ZFHX3: variants seen among roughly 807,000 people sequenced by gnomAD.
ZFHX3 encodes the protein zinc finger homeobox 3, also known as zinc finger homeobox protein 3.
A neutral mutation model predicts 279.1 loss-of-function variants in ZFHX3; 42 were observed. That is an observed-to-expected ratio of 0.15 (90% CI 0.12 to 0.19). The LOEUF is 0.19. ZFHX3 is among the 10% of genes least tolerant of loss of function. The probability of loss-of-function intolerance (pLI) is 1.00; values close to 1 mark genes in which losing one functional copy is unlikely to be tolerated. For missense variants in ZFHX3, 4,981 were observed against 4,754.0 expected (o/e 1.05, Z -1.40); for synonymous variants, 2,293 against 1,957.8 (o/e 1.17, Z -4.52).
intron 5 of ZFHX3, among the ~76,000 whole-genome samples, chr16:73,158,895 G>T (rs1394615217): frequency 1.3e-5 from 2 of 152,144 alleles, no homozygotes; most frequent in Non-Finnish European, 1.5e-5. Context: ...ATTGAAACTG[G>T]ATCCCTTCCT....
chr16:72,897,247 A>G (rs949803763), intron 3 of ZFHX3, among the ~76,000 whole-genome samples: 3 of 152,226 alleles, frequency 2.0e-5, no homozygotes, highest in Admixed American at 6.5e-5. Context: ...CAACAGCTTC[A>G]GCTTCTCGCT....
chr16:72,837,613 A>G (rs1229756388), intron 4 of ZFHX3, among the ~76,000 whole-genome samples: 15 of 146,762 alleles, frequency 1.0e-4, no homozygotes, highest in Admixed American at 8.7e-4. Context: ...CTACAGGCAC[A>G]TGCCACCACG....
intron 6 of ZFHX3, among the ~76,000 whole-genome samples, chr16:73,131,294 A>C (rs1966674819): frequency 6.6e-6 from 1 of 152,250 alleles, no homozygotes; most frequent in South Asian, 2.1e-4. Context: ...GCCTTTGTGA[A>C]GTACTTAATA....
chr16:73,075,030 A>T (rs1212935451), intron 8 of ZFHX3, among the ~76,000 whole-genome samples: 1 of 151,748 alleles, frequency 6.6e-6, no homozygotes, highest in Non-Finnish European at 1.5e-5. Context: ...CTGGTTTTGA[A>T]CTCCTGAGCT....
intron 2 of ZFHX3, among the ~76,000 whole-genome samples, chr16:73,510,146 A>T (rs540332606): frequency 7.9e-5 from 12 of 152,196 alleles, no homozygotes; most frequent in African/African-American, 2.9e-4. Flanking sequence ...CTGAGAAGAC[A>T]CCCCTGATCA....
intron 2 of ZFHX3, among the ~76,000 whole-genome samples, chr16:73,578,788 A>AAC (rs754308874): frequency 1.3e-5 from 2 of 152,194 alleles, no homozygotes; most frequent in Non-Finnish European, 2.9e-5. Context: ...CAACATCTAT[A>AAC]ACCCCATCAA....
chr16:73,704,970 T>C (rs1330036976), intron 1 of ZFHX3, among the ~76,000 whole-genome samples: 2 of 152,180 alleles, frequency 1.3e-5, no homozygotes, highest in Admixed American at 6.5e-5. Flanking sequence ...CCAATGACCA[T>C]GGTGTAAATA....
At chr16:73,000,554 C>T (rs1963454464) in intron 1 of ZFHX3, among the ~76,000 whole-genome samples, 1 of 152,118 alleles carries the variant, frequency 6.6e-6, no homozygotes, top group African/African-American at 2.4e-5. Flanking sequence ...CATTGAGACA[C>T]ACAAAAAGGG....
At chr16:73,634,463 A>ATATATATATATATATATAT (rs2052510363) in intron 2 of ZFHX3, among the ~76,000 whole-genome samples, 1 of 139,602 alleles carries the variant, frequency 7.2e-6, no homozygotes, top group African/African-American at 3.0e-5. Context: ...TATATATATA[A>ATATATATATATATATATAT]AATATATATG....
intron 4 of ZFHX3, among the ~76,000 whole-genome samples, chr16:73,307,880 C>A (rs1336177706): frequency 6.6e-6 from 1 of 152,024 alleles, no homozygotes; most frequent in Non-Finnish European, 1.5e-5. Context: ...AAATGGGCAC[C>A]AGGTACCTTG....
chr16:72,972,066 T>C (rs1962130736), intron 1 of ZFHX3, among the ~76,000 whole-genome samples: 1 of 151,934 alleles, frequency 6.6e-6, no homozygotes, highest in African/African-American at 2.4e-5. Context: ...TAATTTTTTG[T>C]AGTTTTAGTA....
chr16:73,345,712 T>C (rs1480027244), intron 3 of ZFHX3, among the ~76,000 whole-genome samples: 1 of 152,218 alleles, frequency 6.6e-6, no homozygotes, highest in Non-Finnish European at 1.5e-5. Context: ...CAGTTGCATG[T>C]ATCTCTGTAA....
At chr16:73,241,925 G>A (rs1191707790) in intron 5 of ZFHX3, among the ~76,000 whole-genome samples, 1 of 151,812 alleles carries the variant, frequency 6.6e-6, no homozygotes, top group Non-Finnish European at 1.5e-5. Flanking sequence ...AAAACGTTGA[G>A]TGACCCCTTT....
intron 2 of ZFHX3, among the ~76,000 whole-genome samples, chr16:73,647,434 G>A (rs539687789): frequency 1.4e-3 from 209 of 152,242 alleles, no homozygotes; most frequent in African/African-American, 4.8e-3. Flanking sequence ...GTTCTCGTCA[G>A]ATCTGATGGT....
chr16:73,712,432 C>A (rs1481553094), intron 1 of ZFHX3, among the ~76,000 whole-genome samples: 1 of 152,192 alleles, frequency 6.6e-6, no homozygotes, highest in Non-Finnish European at 1.5e-5. Flanking sequence ...CCTTCCCCAG[C>A]CCCTGCCCAG....
At chr16:73,766,126 G>T (rs537327023) in intron 1 of ZFHX3, among the ~76,000 whole-genome samples, 1 of 152,112 alleles carries the variant, frequency 6.6e-6, no homozygotes, top group African/African-American at 2.4e-5. Flanking sequence ...AGTAAAATCC[G>T]TTACGGAAAA....
At chr16:73,143,114 AC>A (rs996212933) in intron 6 of ZFHX3, among the ~76,000 whole-genome samples, 3 of 152,020 alleles carry the variant, frequency 2.0e-5, no homozygotes, top group Non-Finnish European at 4.4e-5. Flanking sequence ...GAATAAGCCA[AC>A]CTTGTTTCCC....
intron 7 of ZFHX3, chr16:73,099,477 GA>G (rs1966204475): frequency 6.6e-6 from 1 of 152,208 alleles, no homozygotes; most frequent in Non-Finnish European, 1.5e-5. Flanking sequence ...TTGGGAGGCT[GA>G]GGCAGGTGGA....
intron 3 of ZFHX3, among the ~76,000 whole-genome samples, chr16:73,351,462 G>T (rs1292174605): frequency 1.3e-5 from 2 of 152,200 alleles, no homozygotes; most frequent in Non-Finnish European, 2.9e-5. Context: ...GCCTGGGAGA[G>T]GGGACAGCTG....
Sources: allele counts gnomAD v4.1 joint callset (sites outside exome capture counted in the v4.1 genomes callset), GRCh38; gene constraint gnomAD v4.1.1; transcripts MANE v1.5; gene names NCBI Gene and HGNC (gene_info 2026-07-23, HGNC 2026-07-21).